PRKCSH: variants seen among roughly 807,000 people sequenced by gnomAD.
The protein encoded by PRKCSH is glucosidase 2 subunit beta.
A neutral mutation model predicts 79.7 loss-of-function variants in PRKCSH; 42 were observed. The ratio of observed to expected loss-of-function variants is 0.53; its 90% CI spans 0.41 to 0.68. PRKCSH has a LOEUF of 0.68. Ranked by LOEUF, PRKCSH falls within the 30% of genes least tolerant of loss-of-function variation. The pLI is 0.00. For synonymous variants in PRKCSH, 325 were observed against 288.2 expected, an observed-to-expected ratio of 1.13 and a Z score of -1.29; for missense variants, 686 against 709.0, an observed-to-expected ratio of 0.97 and a Z score of 0.37.
At chr19:11,446,996 C>T (rs1434819948) in intron 9 of PRKCSH, 78 bp from the exon 10 acceptor site, 11 of 1,504,350 alleles carry the variant, frequency 7.3e-6, no homozygotes, top group East Asian at 4.5e-5. Context: ...TGCCTGGCAC[C>T]GCAGCCCGGG....
rs756991352 is a variant in PRKCSH, at chr19:11,449,454, GGCC to G, written c.*16+27_*16+29del. 1.3e-4 allele frequency: 213 copies of G among 1,612,168 alleles called. No individual in the cohort carries two copies. In the African/African-American group the frequency reaches 2.3e-3, roughly 17 times the overall value. On this transcript the variant is annotated intron_variant, in intron 17 of 17. Transcript: ENST00000677123. The surrounding 1 kb of genome is among the most constrained non-coding windows in gnomAD (Gnocchi z 6.4). Reference sequence around the variant, plus strand: ...GTGGGCGGGGAGGTGGAGTCTCGTCGGCCTGCCCCAGCAAGGGGAGGCGGCGGG... The same window carrying G: ...GTGGGCGGGGAGGTGGAGTCTCGTCGTGCCCCAGCAAGGGGAGGCGGCGGG...
chr19:11,439,605 CTTTTTTTTTTTTTTTTTTT>C (rs758607686), intron 5 of PRKCSH, among the ~76,000 whole-genome samples: 1 of 68,850 alleles, frequency 1.5e-5, no homozygotes, highest in East Asian at 4.3e-4. Flanking sequence ...TTTTTCTTTT[CTTTTTTTTTTTTTTTTTTT>C]TTTTTTTTGT....
At chr19:11,445,360 A>AG in intron 7 of PRKCSH, 29 bp from the exon 8 acceptor site, 2 of 1,610,110 alleles carry the variant, frequency 1.2e-6, no homozygotes, top group Non-Finnish European at 8.5e-7. Context: ...GTGGGTGGGC[A>AG]GGGGGTGACA....
At position 11,447,482 on chromosome 19, in the gene PRKCSH, C is replaced by T. The variant is rs574529270; in HGVS notation, c.893C>T (p.Thr298Met). The T allele has an allele frequency of 1.7e-5, 28 of 1,613,844 alleles. No homozygotes were observed. Among genetic ancestry groups the T allele is most frequent in the Middle Eastern group, 1.7e-4 (1 of 6,054 alleles). Residue 298 changes from threonine to methionine, a missense_variant, in exon 11 of 18, where the codon ACG (threonine) becomes ATG (methionine). By Grantham distance (81) the Thr-to-Met change is moderately conservative (BLOSUM62 -1). Around this residue, in one of 2 missense-constraint regions of PRKCSH, gnomAD observed 549 missense variants for 520.2 expected, o/e 1.06. Coordinates refer to ENST00000677123, the MANE Select transcript of PRKCSH (RefSeq NM_001289104.2). This position sits in a 1 kb window ranked among gnomAD's most constrained non-coding sequence, Gnocchi z 5.6. ...DLPAPSAPDL[T>M]EPKEEQPPVP... ...CCAGCACCTTCTGCCCCTGACTTGACGGAGCCCAAGGAGGAGCAGCCGCCA... is the reference window on the plus strand; with the variant it reads ...CCAGCACCTTCTGCCCCTGACTTGATGGAGCCCAAGGAGGAGCAGCCGCCA...
chr19:11,444,422 C>A (rs1161914797), intron 7 of PRKCSH, among the ~76,000 whole-genome samples: 2 of 152,164 alleles, frequency 1.3e-5, no homozygotes, highest in African/African-American at 4.8e-5. Flanking sequence ...TGGGCAGGTC[C>A]CTTCACCCAC....
rs62131153 is a variant in PRKCSH at position 11,445,316 on chromosome 19, C to T, written c.599-73C>T. 0.043 allele frequency: 63,645 copies of T among 1,485,614 alleles called. 1,501 individuals are homozygous for T. The highest frequency in any genetic ancestry group is 0.048 in the Non-Finnish European group (51,953 of 1,072,934). 92.0% of individuals were successfully genotyped at this position (1,485,614 alleles called of 1,614,324 possible). A position where few individuals can be genotyped will look rare whatever the true frequency, so the allele number is the denominator to read the frequency against. On this transcript the variant is annotated intron_variant, in intron 7 of 17. Transcript: ENST00000677123. ...CATATAGTAGGCGCTTGGTGGCAAA[C>T]GACCCTGTGGGGTGCGGGGGCTGAT...
chr19:11,436,204 C>G lies in PRKCSH; in HGVS notation c.79+8C>G, dbSNP rs752500669. 4.7e-6 allele frequency: 7 copies of G among 1,474,720 alleles called. No homozygotes were observed. Among genetic ancestry groups the G allele is most frequent in the African/African-American group, 2.7e-5 (2 of 73,324 alleles). The allele number at this position is 1,474,720 out of a possible 1,614,324, so 91.4% of individuals were successfully genotyped here. On this transcript the variant is annotated splice_region_variant and intron_variant, in intron 2 of 17. Coordinates refer to ENST00000677123, the MANE Select transcript of PRKCSH (RefSeq NM_001289104.2). Reference sequence around the variant, plus strand: ...GGGGCGTCTCCCTCACCAGTGAGTCCTCCTGTTCACCCTCCCGCCAGGCTG... The same window carrying G: ...GGGGCGTCTCCCTCACCAGTGAGTCGTCCTGTTCACCCTCCCGCCAGGCTG...
intron 5 of PRKCSH, among the ~76,000 whole-genome samples, chr19:11,438,931 A>T (rs1215170144): frequency 6.6e-6 from 1 of 151,654 alleles, no homozygotes; most frequent in Non-Finnish European, 1.5e-5. Context: ...TTTTTGAGAC[A>T]GGGTCTCACT....
At chr19:11,436,311 T>G in intron 2 of PRKCSH, 78 bp from the exon 3 acceptor site, 1 of 1,575,420 alleles carries the variant, frequency 6.3e-7, no homozygotes, top group Non-Finnish European at 8.7e-7. Context: ...GCTCCGCTGG[T>G]GGGGATGGGA....
Position 11,448,247 on chromosome 19 carries a change from C to T in PRKCSH, c.1152C>T (p.Phe384=), listed in dbSNP as rs371089264. Residue 384 remains phenylalanine (F), a synonymous_variant, in exon 13 of 18, where the codon TTC becomes TTT. Transcript: ENST00000677123. The surrounding 1 kb of genome is among the most constrained non-coding windows in gnomAD (Gnocchi z 4.4). ...IDAAQEARNK[F]EEAERSLKDM... ...CTGCCCAGGAGGCCCGCAACAAGTT[C>T]GAGGAGGCCGAGCGGTCGCTGAAGG... 1.6e-5 allele frequency: 25 copies of T among 1,565,378 alleles called. No individual in the cohort carries two copies. The highest frequency in any genetic ancestry group is 1.1e-4 in the Admixed American group (6 of 52,662).
At position 11,436,026 on chromosome 19, in the gene PRKCSH, G is replaced by A; in HGVS notation, c.-77-15G>A. ...AGCCCTCTCCCACTGACCGGGATCC[G>A]CTTTCTTCCTGCAGCGTGAAGACAC... On this transcript the variant is annotated splice_polypyrimidine_tract_variant and intron_variant, in intron 1 of 17. Coordinates refer to ENST00000677123, the MANE Select transcript of PRKCSH (RefSeq NM_001289104.2). The A allele has an allele frequency of 1.3e-6, 2 of 1,543,738 alleles. No individual in the cohort carries two copies. The highest frequency in any genetic ancestry group is 1.8e-6 in the Non-Finnish European group (2 of 1,130,238).
At chr19:11,437,790 G>A in intron 3 of PRKCSH, 86 bp from the exon 4 acceptor site, 1 of 1,130,068 alleles carries the variant, frequency 8.8e-7, no homozygotes, top group East Asian at 2.3e-5. Flanking sequence ...TGTGCAGTGT[G>A]GGTCAGGGGC....
At chr19:11,435,802 C>T in intron 1 of PRKCSH, 96 bp downstream of exon 1, 3 of 1,413,154 alleles carry the variant, frequency 2.1e-6, no homozygotes, top group Non-Finnish European at 2.8e-6. Context: ...GGCTGTTAAT[C>T]CCTTTGGTCT....
rs1014759941 is a variant in PRKCSH, at chr19:11,437,987, C to T, written c.292+16C>T. On this transcript the variant is annotated intron_variant, in intron 4 of 17. Transcript: ENST00000677123. ...GGTGTTTGTGGTAAGTGAAGATGCA[C>T]CAGGATTCTGGAAAGGTGGTAGAGG... 2 of 1,613,822 alleles carry T rather than the reference C, an allele frequency of 1.2e-6. No individual in the cohort carries two copies. The highest frequency in any genetic ancestry group is 2.2e-5 in the East Asian group (1 of 44,874).
chr19:11,449,244 GC>G lies in PRKCSH; in HGVS notation c.1462-21del, dbSNP rs1444641701. On this transcript the variant is annotated intron_variant, in intron 16 of 17. Coordinates refer to ENST00000677123, the MANE Select transcript of PRKCSH (RefSeq NM_001289104.2). This position sits in a 1 kb window ranked among gnomAD's most constrained non-coding sequence, Gnocchi z 6.4. ...GCCTGGCCCAGCCGAACCCTCTCGA[GC>G]ACCCGTCTGCCCATCCCCAGGTGCG... 8 of 1,613,574 alleles carry G rather than the reference GC, an allele frequency of 5.0e-6. No homozygotes were observed. The highest frequency in any genetic ancestry group is 6.8e-6 in the Non-Finnish European group (8 of 1,179,968).
rs151207349 is a variant in PRKCSH at position 11,441,343 on chromosome 19, C to T, written c.454C>T (p.Arg152Trp). ...CCTTATTGAGGACTGGAAGAAGGCA[C>T]GGGAGGAGAAGCAGGTAAGGAACCC... Reference protein sequence around the residue: ...KILIEDWKKAREEKQKKLIEL... With the variant: ...KILIEDWKKAWEEKQKKLIEL... The change falls in exon 6 of 18, where the codon CGG becomes TGG. Residue 152 changes from arginine to tryptophan, a missense_variant. This residue lies in a region of PRKCSH where 549 missense variants were observed against 520.2 expected (regional missense o/e 1.06). Transcript: ENST00000677123. 7.5e-4 allele frequency: 1,203 copies of T among 1,613,904 alleles called. No homozygotes were observed. The highest frequency in any genetic ancestry group is 8.9e-4 in the South Asian group (81 of 91,072).
At chr19:11,435,858 T>C in intron 1 of PRKCSH, 152 bp downstream of exon 1, 1 of 1,057,478 alleles carries the variant, frequency 9.5e-7, no homozygotes, top group East Asian at 2.7e-5. Context: ...GCGGAGGTTT[T>C]GAGATCTTGA....
chr19:11,449,657 C>G lies in PRKCSH; in HGVS notation c.*16+229C>G. On this transcript the variant is annotated intron_variant, in intron 17 of 17. Coordinates refer to ENST00000677123, the MANE Select transcript of PRKCSH (RefSeq NM_001289104.2). This position sits in a 1 kb window ranked among gnomAD's most constrained non-coding sequence, Gnocchi z 6.4. Reference sequence around the variant, plus strand: ...TCCCGGGTTCAAACAATTGTCTTGTCTCAGCCTCCCAAGTAGCTGGGATTA... The same window carrying G: ...TCCCGGGTTCAAACAATTGTCTTGTGTCAGCCTCCCAAGTAGCTGGGATTA... The G allele has an allele frequency of 1.8e-6, 1 of 570,712 alleles. No homozygotes were observed. The highest frequency in any genetic ancestry group is 3.0e-5 in the Admixed American group (1 of 33,026). 35.4% of individuals were successfully genotyped at this position (570,712 alleles called of 1,614,324 possible).
chr19:11,443,167 G>A (rs541188405), intron 7 of PRKCSH, among the ~76,000 whole-genome samples: 2 of 151,580 alleles, frequency 1.3e-5, no homozygotes, highest in East Asian at 3.9e-4. Flanking sequence ...AATCCCAGCA[G>A]TTTGGGAGGC....
Sources: allele counts gnomAD v4.1 joint callset (sites outside exome capture counted in the v4.1 genomes callset), GRCh38; gene constraint gnomAD v4.1.1; regional missense constraint gnomAD v4.1.1; non-coding constraint Gnocchi (gnomAD v3.1); transcripts MANE v1.5; gene names NCBI Gene and HGNC (gene_info 2026-07-23, HGNC 2026-07-21).